SENP7: variants seen among roughly 807,000 people sequenced by gnomAD.
The protein encoded by SENP7 is sentrin-specific protease 7.
A neutral mutation model predicts 141.2 loss-of-function variants in SENP7; 64 were observed. That is an observed-to-expected ratio of 0.45 (90% CI 0.37 to 0.56). The LOEUF (loss-of-function observed/expected upper bound fraction) is 0.56. SENP7 is among the 20% of genes least tolerant of loss of function. The pLI is 0.00. For synonymous variants in SENP7, 382 were observed against 426.4 expected (o/e 0.90, Z 1.28); for missense variants, 1,025 against 1,212.2 (o/e 0.85, Z 2.29).
intron 10 of SENP7, among the ~76,000 whole-genome samples, chr3:101,364,299 C>T (rs1559721493): frequency 6.6e-6 from 1 of 151,678 alleles, no homozygotes; most frequent in Non-Finnish European, 1.5e-5. Context: ...TAGACCTACT[C>T]TCTTCAAAGG....
chr3:101,504,507 A>G lies in SENP7; in HGVS notation c.41-3388T>C, dbSNP rs138831821. On this transcript the variant is annotated intron_variant, in intron 1 of 23. Transcript: ENST00000394095. ...CACCTCTACACTTAAGCTTTTGATA[A>G]CTTCAAATAATTTAAATAAACTAGT... 6.1e-3 allele frequency among the ~76,000 whole-genome samples: 929 copies of G among 152,240 alleles called. 6 individuals are homozygous for G. The highest frequency in any genetic ancestry group is 0.022 in the African/African-American group (895 of 41,544).
intron 5 of SENP7, among the ~76,000 whole-genome samples, chr3:101,412,913 C>T (rs549811153): frequency 6.6e-5 from 10 of 152,176 alleles, no homozygotes; most frequent in African/African-American, 2.4e-4. Flanking sequence ...ATTTCTAAAA[C>T]TCTTTTGATA....
In SENP7 at chr3:101,367,934, T is replaced by C; in HGVS notation, c.874A>G (p.Lys292Glu). ...RNKDVKYSDS[K>E]VELTLISRKT... ...CTGGAAATCAGAGTGAGTTCCACTTTTGAATCAGAATATTTAACATCCTTG... is the reference window on the plus strand; with the variant it reads ...CTGGAAATCAGAGTGAGTTCCACTTCTGAATCAGAATATTTAACATCCTTG... Residue 292 changes from lysine (K) to glutamate (E), a missense_variant, in exon 8 of 24, where the codon AAA becomes GAA. By Grantham distance (56) the Lys-to-Glu change is moderately conservative. Around this residue, in one of 4 missense-constraint regions of SENP7, gnomAD observed 496 missense variants for 503.5 expected, o/e 0.99. Coordinates refer to ENST00000394095, the MANE Select transcript of SENP7 (RefSeq NM_020654.5). 6.2e-7 allele frequency: 1 copy of C among 1,612,720 alleles called. No homozygotes were observed. Among genetic ancestry groups the C allele is most frequent in the African/African-American group, 1.3e-5 (1 of 74,998 alleles).
At position 101,366,740 on chromosome 3, in the gene SENP7, G is replaced by A. The variant is rs370201870; in HGVS notation, c.1008C>T (p.Ser336=). The A allele has an allele frequency of 5.0e-6, 8 of 1,599,366 alleles. No individual in the cohort carries two copies. In the East Asian group the frequency reaches 1.3e-4, roughly 27 times the overall value. The part of the protein sequence containing the change: ...TKKQEDDSTI[S]TEFEKPSENY... Reference sequence around the variant, plus strand: ...TTTCACTTGGCTTTTCAAACTCAGTGGATATTGTTGAGTCATCTTCTTGTT... The same window carrying A: ...TTTCACTTGGCTTTTCAAACTCAGTAGATATTGTTGAGTCATCTTCTTGTT... The change falls in exon 9 of 24, where the codon TCC becomes TCT. Residue 336 remains serine (S), a synonymous_variant. Coordinates refer to ENST00000394095, the MANE Select transcript of SENP7 (RefSeq NM_020654.5).
At chr3:101,399,523 T>C (rs1307136353) in intron 5 of SENP7, among the ~76,000 whole-genome samples, 1 of 152,212 alleles carries the variant, frequency 6.6e-6, no homozygotes, top group East Asian at 1.9e-4. Context: ...TCAGATTGCA[T>C]CTCTGGTAAT....
intron 11 of SENP7, among the ~76,000 whole-genome samples, chr3:101,359,743 A>G (rs1005223522): frequency 6.6e-6 from 1 of 152,040 alleles, no homozygotes; most frequent in Non-Finnish European, 1.5e-5. Flanking sequence ...ATGTATCTAT[A>G]TATGTATGAA....
chr3:101,336,505 A>G (rs1377758342), intron 17 of SENP7, among the ~76,000 whole-genome samples: 1 of 152,220 alleles, frequency 6.6e-6, no homozygotes, highest in Non-Finnish European at 1.5e-5. Context: ...AAATTTATTA[A>G]TCTTCATTAG....
rs1327891832 is a variant in SENP7, at chr3:101,352,493, C to T, written c.1624-842G>A. On this transcript the variant is annotated intron_variant, in intron 11 of 23. Coordinates refer to ENST00000394095, the MANE Select transcript of SENP7 (RefSeq NM_020654.5). The stretch of plus-strand genomic sequence containing the variant: ...TCTTTCTGCTCCTTCTGTCCCAGGA[C>T]ACTTATTTTCTCTAGGTACCTTTTG... 5.3e-5 allele frequency among the ~76,000 whole-genome samples: 8 copies of T among 152,112 alleles called. No homozygotes were observed. In the South Asian group the frequency reaches 1.4e-3, roughly 28 times the overall value.
intron 3 of SENP7, among the ~76,000 whole-genome samples, chr3:101,465,714 C>G (rs912207734): frequency 3.3e-5 from 5 of 151,922 alleles, no homozygotes; most frequent in African/African-American, 1.2e-4. Context: ...AACACAGACA[C>G]TAACAAAAAG....
intron 2 of SENP7, 52 bp downstream of exon 2, chr3:101,501,018 T>C: frequency 8.3e-7 from 1 of 1,210,714 alleles, no homozygotes; most frequent in Non-Finnish European, 1.2e-6. Context: ...CAAAATACTT[T>C]CAATATCAGT....
intron 17 of SENP7, among the ~76,000 whole-genome samples, chr3:101,334,017 G>A (rs2059123528): frequency 6.6e-6 from 1 of 152,158 alleles, no homozygotes; most frequent in African/African-American, 2.4e-5. Context: ...TGCACGCACT[G>A]TTCACAACAG....
At chr3:101,417,940 T>A in intron 4 of SENP7, 150 bp from the exon 5 acceptor site, 1 of 617,246 alleles carries the variant, frequency 1.6e-6, no homozygotes, top group East Asian at 2.8e-5. Context: ...AATGCCTAAC[T>A]ATTATCAAAG....
chr3:101,455,538 T>TA (rs758473130), intron 4 of SENP7, among the ~76,000 whole-genome samples: 26 of 151,374 alleles, frequency 1.7e-4, no homozygotes, highest in East Asian at 5.8e-4. Context: ...TAATTTGATT[T>TA]AAAAAAAAAT....
intron 2 of SENP7, among the ~76,000 whole-genome samples, chr3:101,499,158 A>C (rs1254018756): frequency 6.6e-6 from 1 of 152,224 alleles, no homozygotes; most frequent in African/African-American, 2.4e-5. Context: ...AAAAAGTTTA[A>C]GAAACACTGT....
chr3:101,386,531 C>T (rs1016003914), intron 6 of SENP7, among the ~76,000 whole-genome samples: 1 of 152,184 alleles, frequency 6.6e-6, no homozygotes. Context: ...TGCCCTGAGG[C>T]CCAACAGCCC....
At chr3:101,476,713 A>G (rs969995130) in intron 3 of SENP7, among the ~76,000 whole-genome samples, 4 of 152,196 alleles carry the variant, frequency 2.6e-5, no homozygotes, top group African/African-American at 9.6e-5. Context: ...TTACACTCCC[A>G]CCAACAGTGT....
At chr3:101,505,252 T>C (rs1210479402) in intron 1 of SENP7, among the ~76,000 whole-genome samples, 2 of 152,246 alleles carry the variant, frequency 1.3e-5, no homozygotes, top group East Asian at 1.9e-4. Flanking sequence ...CAATGTACAC[T>C]ATTCAGGTGA....
At chr3:101,406,603 G>C (rs1042495115) in intron 5 of SENP7, among the ~76,000 whole-genome samples, 13 of 151,796 alleles carry the variant, frequency 8.6e-5, no homozygotes, top group Non-Finnish European at 5.9e-5. Flanking sequence ...AATAATAGGT[G>C]TTCCTGAGGA....
chr3:101,457,373 G>A, intron 4 of SENP7: 1 of 1,429,686 alleles, frequency 7.0e-7, no homozygotes, highest in South Asian at 1.1e-5. Context: ...CAGCCAGTCT[G>A]CTTAAACTGT....
Sources: allele counts gnomAD v4.1 joint callset (sites outside exome capture counted in the v4.1 genomes callset), GRCh38; gene constraint gnomAD v4.1.1; regional missense constraint gnomAD v4.1.1; transcripts MANE v1.5; gene names NCBI Gene and HGNC (gene_info 2026-07-23, HGNC 2026-07-21).